CCDC102B: variants seen among roughly 807,000 people sequenced by gnomAD.
CCDC102B encodes coiled-coil domain-containing protein 102B.
CCDC102B carries 75 observed loss-of-function variants against 57.4 expected under a neutral mutation model. The ratio of observed to expected loss-of-function variants is 1.31; its 90% CI spans 1.08 to 1.58. CCDC102B has a LOEUF of 1.58. CCDC102B is among the 40% of genes most tolerant of loss of function. The probability of loss-of-function intolerance (pLI) is 0.00; values close to 1 mark genes in which losing one functional copy is unlikely to be tolerated. For missense variants in CCDC102B, 636 were observed against 582.6 expected (o/e 1.09, Z -0.94); for synonymous variants, 206 against 201.9 (o/e 1.02, Z -0.17).
chr18:68,910,377 G>A (rs1297269236), intron 6 of CCDC102B, among the ~76,000 whole-genome samples: 1 of 152,192 alleles, frequency 6.6e-6, no homozygotes, highest in African/African-American at 2.4e-5. Context: ...AGGATGTTTA[G>A]ATAGTACAGC....
At chr18:68,726,085 A>G (rs2032581112) in intron 2 of CCDC102B, among the ~76,000 whole-genome samples, 1 of 152,236 alleles carries the variant, frequency 6.6e-6, no homozygotes, top group African/African-American at 2.4e-5. Context: ...GAAGAAGGAT[A>G]AACATTAAAA....
At chr18:68,727,207 T>C (rs547712317) in intron 2 of CCDC102B, among the ~76,000 whole-genome samples, 1 of 152,294 alleles carries the variant, frequency 6.6e-6, no homozygotes, top group South Asian at 2.1e-4. Flanking sequence ...GCTGAGATAA[T>C]ATTCAGAATG....
At chr18:68,907,951 A>C (rs2145059280) in intron 6 of CCDC102B, 1 of 152,226 alleles carries the variant, frequency 6.6e-6, no homozygotes, top group Middle Eastern at 3.4e-3. Flanking sequence ...ATGTTGAGAA[A>C]AATTTTCAAC....
At chr18:68,989,617 G>C (rs995925209) in intron 6 of CCDC102B, among the ~76,000 whole-genome samples, 1 of 152,158 alleles carries the variant, frequency 6.6e-6, no homozygotes, top group African/African-American at 2.4e-5. Context: ...CTCAGGCAGG[G>C]GGCCTGCGGG....
intron 6 of CCDC102B, among the ~76,000 whole-genome samples, chr18:68,967,557 T>C (rs2050196261): frequency 6.6e-6 from 1 of 152,132 alleles, no homozygotes; most frequent in African/African-American, 2.4e-5. Flanking sequence ...TTACAATACA[T>C]GTTAGACACT....
intron 2 of CCDC102B, among the ~76,000 whole-genome samples, chr18:68,783,313 C>T (rs1443330929): frequency 6.6e-6 from 1 of 152,022 alleles, no homozygotes; most frequent in Non-Finnish European, 1.5e-5. Context: ...TTTTTTAGTG[C>T]TTGTTGCAGT....
rs144206453 is a variant in CCDC102B, at chr18:68,924,739, G to A, written c.1263+27311G>A. Among the ~76,000 whole-genome samples, 10 of 152,198 alleles carry A rather than the reference G, an allele frequency of 6.6e-5. No individual in the cohort carries two copies. The East Asian group carries it at 1.9e-3, about 30-fold the overall frequency. On this transcript the variant is annotated intron_variant, in intron 6 of 7. Transcript: ENST00000360242. Reference sequence around the variant, plus strand: ...TCCCTGACATGGACTCCCACCGTCTGCACACAAGCCCATGCTGGTCCTCAC... The same window carrying A: ...TCCCTGACATGGACTCCCACCGTCTACACACAAGCCCATGCTGGTCCTCAC...
intron 7 of CCDC102B, among the ~76,000 whole-genome samples, chr18:69,045,200 A>C (rs1599894503): frequency 6.6e-6 from 1 of 152,092 alleles, no homozygotes; most frequent in East Asian, 1.9e-4. Flanking sequence ...GAGGGAACAC[A>C]ATTCAGTTCC....
At chr18:68,794,920 G>C (rs2035578491), upstream of CCDC102B, among the ~76,000 whole-genome samples, 1 of 151,768 alleles carries the variant, frequency 6.6e-6, no homozygotes. Flanking sequence ...AATGGTTGTG[G>C]CCTGTGTGGG....
At chr18:68,932,864 C>G (rs1568338065) in intron 6 of CCDC102B, among the ~76,000 whole-genome samples, 1 of 151,882 alleles carries the variant, frequency 6.6e-6, no homozygotes, top group East Asian at 1.9e-4. Flanking sequence ...GAAGGCTTCT[C>G]TCTTTCTAAA....
At chr18:68,856,240 C>T (rs948101942) in intron 4 of CCDC102B, among the ~76,000 whole-genome samples, 5 of 152,002 alleles carry the variant, frequency 3.3e-5, no homozygotes, top group African/African-American at 1.2e-4. Flanking sequence ...TCTTTTAAAA[C>T]TCTATTTTTT....
chr18:68,724,926 A>T (rs2032522611), intron 2 of CCDC102B, among the ~76,000 whole-genome samples: 1 of 152,230 alleles, frequency 6.6e-6, no homozygotes, highest in Admixed American at 6.5e-5. Context: ...TGCGATGAGG[A>T]AATACCTGAG....
At chr18:68,767,249 T>A (rs1436075867) in intron 2 of CCDC102B, among the ~76,000 whole-genome samples, 2 of 152,228 alleles carry the variant, frequency 1.3e-5, no homozygotes, top group East Asian at 3.9e-4. Context: ...TGTGAAGCTC[T>A]AACCCTTGGG....
At chr18:68,948,553 A>G (rs2049603430) in intron 6 of CCDC102B, among the ~76,000 whole-genome samples, 1 of 152,102 alleles carries the variant, frequency 6.6e-6, no homozygotes, top group African/African-American at 2.4e-5. Flanking sequence ...TCACCAAATC[A>G]CTAAAAGCCT....
chr18:68,954,369 G>A (rs996677179), intron 6 of CCDC102B, among the ~76,000 whole-genome samples: 2 of 152,136 alleles, frequency 1.3e-5, no homozygotes, highest in South Asian at 4.1e-4. Context: ...GTAGTGAGCC[G>A]AGATCATGCC....
At chr18:68,784,300 G>A (rs2035111932) in intron 2 of CCDC102B, among the ~76,000 whole-genome samples, 1 of 151,138 alleles carries the variant, frequency 6.6e-6, no homozygotes, top group South Asian at 2.1e-4. Context: ...CATGGTGGGA[G>A]CAGGAGGAAG....
Position 68,956,429 on chromosome 18 carries a change from A to AT in CCDC102B, c.1264-54505_1264-54504insT, listed in dbSNP as rs1491553752. Reference sequence around the variant, plus strand: ...ATTTTATATATATTATATATATTATACATTTTATATATATTATATATATTA... The same window carrying AT: ...ATTTTATATATATTATATATATTATATCATTTTATATATATTATATATATTA... On this transcript the variant is annotated intron_variant, in intron 6 of 7. Coordinates refer to ENST00000360242, the MANE Select transcript of CCDC102B (RefSeq NM_024781.3). 6.9e-3 allele frequency among the ~76,000 whole-genome samples: 333 copies of AT among 48,138 alleles called. 65 individuals carry two copies. The highest frequency in any genetic ancestry group is 0.043 in the African/African-American group (328 of 7,576). 31.6% of individuals were successfully genotyped at this position (48,138 alleles called of 152,430 possible).
intron 2 of CCDC102B, among the ~76,000 whole-genome samples, chr18:68,743,248 TAAATAAAA>T (rs1372205803): frequency 6.1e-4 from 51 of 83,550 alleles, no homozygotes; most frequent in Non-Finnish European, 1.1e-3. Context: ...AATAAATAAA[TAAATAAAA>T]AATTAGACAG....
At chr18:69,052,865 T>C (rs2052743744) in intron 7 of CCDC102B, among the ~76,000 whole-genome samples, 2 of 151,876 alleles carry the variant, frequency 1.3e-5, no homozygotes, top group Admixed American at 1.3e-4. Flanking sequence ...ATATAACAAC[T>C]AGTTATATAC....
Sources: gnomAD v4.1 joint callset for allele counts (sites outside exome capture counted in the v4.1 genomes callset) on GRCh38, gnomAD v4.1.1 for gene constraint, MANE v1.5 for transcripts, NCBI Gene and HGNC (gene_info 2026-07-23, HGNC 2026-07-21) for gene names.